TRIM2: variants seen among roughly 807,000 people sequenced by gnomAD.
TRIM2 encodes the protein tripartite motif-containing protein 2.
TRIM2 carries 20 observed loss-of-function variants against 75.2 expected under a neutral mutation model. The ratio of observed to expected loss-of-function variants is 0.27; its 90% CI spans 0.19 to 0.39. The LOEUF (loss-of-function observed/expected upper bound fraction) is 0.39. TRIM2 is among the 10% of genes least tolerant of loss of function. The pLI, the probability that TRIM2 is intolerant of heterozygous loss-of-function variation, is 1.00. For missense variants in TRIM2, 660 were observed against 990.8 expected (o/e 0.67, Z 4.48); for synonymous variants, 373 against 388.3 (o/e 0.96, Z 0.46).
In TRIM2 at chr4:153,270,506, A is replaced by T. The variant is rs1454187582; in HGVS notation, c.202A>T (p.Thr68Ser). 5 of 1,608,720 alleles carry T rather than the reference A, an allele frequency of 3.1e-6. No homozygotes were observed. Among genetic ancestry groups the T allele is most frequent in the Non-Finnish European group, 4.2e-6 (5 of 1,177,502 alleles). ...KNPKVLPCLH[T>S]FCERCLQNYI... ...TCCCAAGGTTCTCCCCTGTCTGCAC[A>T]CTTTCTGCGAGAGGTAAGCCTCCTT... is the stretch of plus-strand genomic sequence containing the variant. The change falls in exon 2 of 12, where the codon ACT becomes TCT. Residue 68 changes from threonine to serine, a missense_variant. By Grantham distance (58) the Thr-to-Ser change is moderately conservative. Transcript: ENST00000338700.
chr4:153,246,133 A>G (rs571393857), intron 1 of TRIM2, among the ~76,000 whole-genome samples: 1 of 152,358 alleles, frequency 6.6e-6, no homozygotes, highest in East Asian at 1.9e-4. Context: ...TTAAACAGCA[A>G]CAATAGTTCA....
chr4:153,188,091 G>A (rs769457880), intron 1 of TRIM2, among the ~76,000 whole-genome samples: 1 of 152,204 alleles, frequency 6.6e-6, no homozygotes, highest in Non-Finnish European at 1.5e-5. Flanking sequence ...CGAAAGCACA[G>A]AAGCTCTAAA....
chr4:153,192,273 T>C lies in TRIM2; in HGVS notation c.-49+39003T>C, dbSNP rs573177521. Among the ~76,000 whole-genome samples, 3 of 152,244 alleles carry C rather than the reference T, an allele frequency of 2.0e-5. No homozygotes were observed. The South Asian group carries it at 6.2e-4, about 32-fold the overall frequency. On this transcript the variant is annotated intron_variant, in intron 1 of 11. Transcript: ENST00000437508. ...AAGTCTCTACATTACAATCAAAGCATCAATCTCTAAACAGTGGGGGAGAAA... is the reference window on the plus strand; with the variant it reads ...AAGTCTCTACATTACAATCAAAGCACCAATCTCTAAACAGTGGGGGAGAAA...
At chr4:153,219,398 C>T (rs1027765268) in intron 1 of TRIM2, among the ~76,000 whole-genome samples, 1 of 152,154 alleles carries the variant, frequency 6.6e-6, no homozygotes, top group African/African-American at 2.4e-5. Flanking sequence ...TGAAGCCCTA[C>T]CTTCTTTGAC....
intron 6 of TRIM2, among the ~76,000 whole-genome samples, chr4:153,315,031 T>C (rs1299619800): frequency 4.2e-4 from 64 of 152,144 alleles, no homozygotes; most frequent in Non-Finnish European, 2.9e-5. Context: ...ACACCCCAAA[T>C]GCAAACCAGG....
At chr4:153,265,805 T>G (rs1754877229) in intron 1 of TRIM2, 1 of 152,208 alleles carries the variant, frequency 6.6e-6, no homozygotes, top group Non-Finnish European at 1.5e-5. Context: ...GTGTTAAACT[T>G]ACGTCATCAA....
At chr4:153,186,873 C>G (rs1327165305) in intron 1 of TRIM2, among the ~76,000 whole-genome samples, 1 of 147,806 alleles carries the variant, frequency 6.8e-6, no homozygotes, top group African/African-American at 2.6e-5. Flanking sequence ...AAAGGGAGAA[C>G]AGATTGTCAG....
rs1428579586 is a variant in TRIM2, at chr4:153,272,440, G to A, written c.215+1921G>A. Among the ~76,000 whole-genome samples the A allele has an allele frequency of 4.6e-5, 7 of 151,894 alleles. No individual in the cohort carries two copies. The East Asian group carries it at 5.8e-4, about 13-fold the overall frequency. On this transcript the variant is annotated intron_variant, in intron 2 of 11. Coordinates refer to ENST00000338700, the MANE Select transcript of TRIM2 (RefSeq NM_015271.5). ...TGGGATTACAGGCGTGAGCCACTGC[G>A]CCTGGCCAGATTTCCTCTTCTTTTA... is the stretch of plus-strand genomic sequence containing the variant.
intron 8 of TRIM2, among the ~76,000 whole-genome samples, chr4:153,319,382 A>G (rs956177912): frequency 3.9e-5 from 6 of 152,132 alleles, no homozygotes; most frequent in African/African-American, 1.4e-4. Flanking sequence ...AATTTAAGGA[A>G]CTATTTGTTG....
intron 1 of TRIM2, among the ~76,000 whole-genome samples, chr4:153,196,912 G>A (rs1248265871): frequency 2.6e-5 from 4 of 152,206 alleles, no homozygotes; most frequent in Admixed American, 6.5e-5. Flanking sequence ...GTCCACCATC[G>A]AAGCCAATTT....
chr4:153,186,894 C>A lies in TRIM2; in HGVS notation c.-49+33624C>A, dbSNP rs187408534. On this transcript the variant is annotated intron_variant, in intron 1 of 11. Transcript: ENST00000437508. ...AGAACAGATTGTCAGAATTGCCATGCTATTACATGTACTGGGACTTTCCAG... is the reference window on the plus strand; with the variant it reads ...AGAACAGATTGTCAGAATTGCCATGATATTACATGTACTGGGACTTTCCAG... 4.9e-4 allele frequency among the ~76,000 whole-genome samples: 60 copies of A among 122,864 alleles called. 1 individual carries two copies. The highest frequency in any genetic ancestry group is 2.0e-3 in the African/African-American group (57 of 28,662). 80.6% of individuals were successfully genotyped at this position (122,864 alleles called of 152,430 possible).
chr4:153,177,422 A>G (rs1349167291), intron 1 of TRIM2, among the ~76,000 whole-genome samples: 1 of 152,096 alleles, frequency 6.6e-6, no homozygotes, highest in Non-Finnish European at 1.5e-5. Context: ...CTGGGAGGCC[A>G]AGGTGGGTGG....
intron 1 of TRIM2, among the ~76,000 whole-genome samples, chr4:153,260,491 A>G (rs1272492668): frequency 1.3e-5 from 2 of 152,144 alleles, no homozygotes; most frequent in Non-Finnish European, 2.9e-5. Context: ...CATAAAGACA[A>G]GTCAGGGGCT....
intron 1 of TRIM2, among the ~76,000 whole-genome samples, chr4:153,223,429 T>G (rs746652003): frequency 3.7e-4 from 56 of 152,242 alleles, no homozygotes; most frequent in Non-Finnish European, 3.8e-4. Flanking sequence ...AAAAACATGT[T>G]TGGTCATTTT....
At chr4:153,231,897 G>A (rs1386487248) in intron 1 of TRIM2, among the ~76,000 whole-genome samples, 3 of 152,064 alleles carry the variant, frequency 2.0e-5, no homozygotes. Flanking sequence ...TGTACAGGTT[G>A]AGCATCCCAA....
At chr4:153,255,604 G>C (rs912837363) in intron 1 of TRIM2, among the ~76,000 whole-genome samples, 1 of 152,182 alleles carries the variant, frequency 6.6e-6, no homozygotes, top group African/African-American at 2.4e-5. Context: ...TAATTAAACT[G>C]TAAACTTCTA....
intron 1 of TRIM2, among the ~76,000 whole-genome samples, chr4:153,244,386 T>TCTTCTTCTTCTC (rs1404977407): frequency 2.7e-5 from 2 of 74,352 alleles, no homozygotes; most frequent in Non-Finnish European, 4.6e-5. Flanking sequence ...TTCTTCTTCT[T>TCTTCTTCTTCTC]CTTCTTCTTC....
rs80099491 is a variant in TRIM2, at chr4:153,225,835, C to T, written c.30+21275C>T. 3.9e-3 allele frequency among the ~76,000 whole-genome samples: 596 copies of T among 152,190 alleles called. 5 individuals carry two copies. The highest frequency in any genetic ancestry group is 0.013 in the African/African-American group (540 of 41,544). Reference sequence around the variant, plus strand: ...ACTAATATAGTTATTTCCTATGTAACGCTATATTATTTTTGCATATCCTGC... The same window carrying T: ...ACTAATATAGTTATTTCCTATGTAATGCTATATTATTTTTGCATATCCTGC... On this transcript the variant is annotated intron_variant, in intron 1 of 11. Coordinates refer to ENST00000338700, the MANE Select transcript of TRIM2 (RefSeq NM_015271.5).
At chr4:153,230,997 A>G (rs1301429710) in intron 1 of TRIM2, among the ~76,000 whole-genome samples, 1 of 152,236 alleles carries the variant, frequency 6.6e-6, no homozygotes, top group African/African-American at 2.4e-5. Context: ...AAGCGAGGAA[A>G]CTAAGTTTCC....
Sources: allele counts gnomAD v4.1 joint callset (sites outside exome capture counted in the v4.1 genomes callset), GRCh38; gene constraint gnomAD v4.1.1; transcripts MANE v1.5; gene names NCBI Gene and HGNC (gene_info 2026-07-23, HGNC 2026-07-21).